TSPAN18: variants seen among roughly 807,000 people sequenced by gnomAD.
TSPAN18 encodes the protein tetraspanin-18.
In TSPAN18, 14 loss-of-function variants were observed where a neutral mutation model predicts 27.3. The observed-to-expected ratio is 0.51, with a 90% confidence interval of 0.34 to 0.80. TSPAN18 has a LOEUF of 0.80. Among genes scored for constraint, TSPAN18 ranks in the 30% least tolerant of loss-of-function variants. The pLI, the probability that TSPAN18 is intolerant of heterozygous loss-of-function variation, is 0.01. For synonymous variants in TSPAN18, 143 were observed against 136.5 expected (o/e 1.05, Z -0.33); for missense variants, 268 against 323.9 (o/e 0.83, Z 1.32).
At chr11:44,864,286 C>A (rs1459451148) in intron 3 of TSPAN18, among the ~76,000 whole-genome samples, 1,187 of 91,536 alleles carry the variant, frequency 0.013, no homozygotes, top group East Asian at 0.025. Flanking sequence ...GACTCCGTCT[C>A]AAAAAAAAAA....
rs967253474 is a variant in TSPAN18 at position 44,910,700 on chromosome 11, A to G, written c.258+801A>G. On this transcript the variant is annotated intron_variant, in intron 5 of 9. Transcript: ENST00000520358. ...CTGAAGGTTTCTTATTCATCAAGTA[A>G]GTAGCCCTTGAACTCCTATCATGCG... Among the ~76,000 whole-genome samples, 3 of 152,350 alleles carry G rather than the reference A, an allele frequency of 2.0e-5. No individual in the cohort carries two copies. In the East Asian group the frequency reaches 5.8e-4, roughly 29 times the overall value.
intron 3 of TSPAN18, among the ~76,000 whole-genome samples, chr11:44,888,552 A>G (rs1016698401): frequency 6.6e-6 from 1 of 152,168 alleles, no homozygotes; most frequent in African/African-American, 2.4e-5. Context: ...AGAAGGTTCA[A>G]CAGCAGCGAG....
intron 2 of TSPAN18, among the ~76,000 whole-genome samples, chr11:44,791,648 C>A (rs1311821780): frequency 6.6e-6 from 1 of 152,210 alleles, no homozygotes; most frequent in East Asian, 1.9e-4. Context: ...TCCCCAGGCT[C>A]CAGGGAACCA....
At chr11:44,927,833 C>G (rs1322444228) in intron 9 of TSPAN18, among the ~76,000 whole-genome samples, 1 of 152,148 alleles carries the variant, frequency 6.6e-6, no homozygotes, top group Non-Finnish European at 1.5e-5. Context: ...GTTTCTTCAT[C>G]TGCAAAATGG....
At chr11:44,894,948 G>A (rs1858989810) in intron 3 of TSPAN18, among the ~76,000 whole-genome samples, 1 of 152,174 alleles carries the variant, frequency 6.6e-6, no homozygotes, top group Non-Finnish European at 1.5e-5. Flanking sequence ...TCATAGCCAT[G>A]TTTTGCTAAC....
chr11:44,870,963 G>GAGGAGGAAGGAAGCA (rs1565185350), intron 3 of TSPAN18, among the ~76,000 whole-genome samples: 1 of 152,206 alleles, frequency 6.6e-6, no homozygotes, highest in Non-Finnish European at 1.5e-5. Flanking sequence ...AGAGACTGGA[G>GAGGAGGAAGGAAGCA]AGGAGGAAGG....
intron 5 of TSPAN18, among the ~76,000 whole-genome samples, chr11:44,913,752 A>G (rs1023347349): frequency 1.3e-5 from 2 of 152,238 alleles, no homozygotes; most frequent in Non-Finnish European, 2.9e-5. Context: ...CCCCTTTGCT[A>G]ATTTTTCCAT....
chr11:44,779,664 C>A (rs563998616), intron 2 of TSPAN18, among the ~76,000 whole-genome samples: 1 of 152,136 alleles, frequency 6.6e-6, no homozygotes, highest in African/African-American at 2.4e-5. Flanking sequence ...ACCCACATAC[C>A]TGTGCATATT....
intron 3 of TSPAN18, among the ~76,000 whole-genome samples, chr11:44,895,489 G>T (rs1284779285): frequency 1.3e-5 from 2 of 152,230 alleles, no homozygotes; most frequent in African/African-American, 2.4e-5. Context: ...CAGTGATGGG[G>T]TGAGCATGGC....
chr11:44,782,095 A>T (rs1371840976), intron 2 of TSPAN18, among the ~76,000 whole-genome samples: 1 of 152,178 alleles, frequency 6.6e-6, no homozygotes, highest in Non-Finnish European at 1.5e-5. Flanking sequence ...TCACCCTTTG[A>T]TGGATGTAGT....
intron 2 of TSPAN18, among the ~76,000 whole-genome samples, chr11:44,833,740 C>A (rs1381037754): frequency 6.6e-6 from 1 of 151,942 alleles, no homozygotes; most frequent in African/African-American, 2.4e-5. Flanking sequence ...GCAACTGCAG[C>A]CTGTATGTAG....
intron 2 of TSPAN18, among the ~76,000 whole-genome samples, chr11:44,769,042 A>C (rs1172793221): frequency 6.6e-6 from 1 of 151,902 alleles, no homozygotes; most frequent in Non-Finnish European, 1.5e-5. Context: ...TTACAGGCGC[A>C]TGCTACCATG....
At chr11:44,912,464 TCA>T (rs1319681201) in intron 5 of TSPAN18, among the ~76,000 whole-genome samples, 1 of 151,998 alleles carries the variant, frequency 6.6e-6, no homozygotes, top group Non-Finnish European at 1.5e-5. Context: ...AAGCCTGAGG[TCA>T]CAGTGTGGGT....
intron 8 of TSPAN18, among the ~76,000 whole-genome samples, chr11:44,921,106 A>T (rs1860117358): frequency 6.6e-6 from 1 of 152,144 alleles, no homozygotes; most frequent in Non-Finnish European, 1.5e-5. Context: ...TGGATTCCTG[A>T]GGCCCTGAGG....
chr11:44,898,296 C>T (rs1859137824), intron 3 of TSPAN18, among the ~76,000 whole-genome samples: 1 of 152,238 alleles, frequency 6.6e-6, no homozygotes, highest in South Asian at 2.1e-4. Context: ...CCTTTTCCCT[C>T]TCTCGGCCTC....
chr11:44,818,647 G>A (rs1041393561), intron 2 of TSPAN18, among the ~76,000 whole-genome samples: 10 of 152,184 alleles, frequency 6.6e-5, no homozygotes, highest in Non-Finnish European at 1.5e-5. Context: ...ATCCCCCAGG[G>A]CCGGGAAACA....
chr11:44,834,777 T>G (rs748424338), intron 2 of TSPAN18, among the ~76,000 whole-genome samples: 1 of 152,176 alleles, frequency 6.6e-6, no homozygotes, highest in Non-Finnish European at 1.5e-5. Context: ...GGGATAATAT[T>G]TGCATGGTTG....
chr11:44,782,061 A>G (rs1361264999), intron 2 of TSPAN18, among the ~76,000 whole-genome samples: 1 of 152,218 alleles, frequency 6.6e-6, no homozygotes, highest in Admixed American at 6.5e-5. Context: ...CATCTTATGT[A>G]TATATAGTAA....
intron 2 of TSPAN18, among the ~76,000 whole-genome samples, chr11:44,788,369 T>C (rs1206044080): frequency 6.6e-6 from 1 of 152,174 alleles, no homozygotes; most frequent in Non-Finnish European, 1.5e-5. Flanking sequence ...TTTTCAATTT[T>C]AATGAGTTTA....
Sources: gnomAD v4.1 joint callset for allele counts (sites outside exome capture counted in the v4.1 genomes callset) on GRCh38, gnomAD v4.1.1 for gene constraint, MANE v1.5 for transcripts, NCBI Gene and HGNC (gene_info 2026-07-23, HGNC 2026-07-21) for gene names.